Variants in PCDH15 observed in about 807,000 individuals in gnomAD.
PCDH15 encodes protocadherin related 15.
A neutral mutation model predicts 178.5 loss-of-function variants in PCDH15; 129 were observed. The observed-to-expected ratio is 0.72, with a 90% CI of 0.63 to 0.84. The LOEUF (loss-of-function observed/expected upper bound fraction) is 0.84. PCDH15 is among the 40% of genes least tolerant of loss of function. The pLI is 0.00. For missense variants in PCDH15, 2,230 were observed against 2,099.9 expected (o/e 1.06, Z -1.21); for synonymous variants, 800 against 732.0 (o/e 1.09, Z -1.50).
intron 3 of PCDH15, among the ~76,000 whole-genome samples, chr10:54,895,385 T>C (rs1488558034): frequency 6.6e-6 from 1 of 152,180 alleles, no homozygotes; most frequent in Admixed American, 6.5e-5. Context: ...TAGCAATTCT[T>C]GAGCTGAATG....
intron 2 of PCDH15, among the ~76,000 whole-genome samples, chr10:55,035,996 C>T (rs989333208): frequency 6.6e-6 from 1 of 151,800 alleles, no homozygotes; most frequent in Non-Finnish European, 1.5e-5. Flanking sequence ...TGAATGTGTC[C>T]CCCCAAAGGC....
At chr10:55,441,394 G>C (rs766981835) in intron 2 of PCDH15, among the ~76,000 whole-genome samples, 4 of 152,134 alleles carry the variant, frequency 2.6e-5, no homozygotes, top group African/African-American at 4.8e-5. Flanking sequence ...TTTAAATTGA[G>C]AGATTGTCTG....
intron 15 of PCDH15, among the ~76,000 whole-genome samples, chr10:54,091,538 G>C (rs930163458): frequency 6.6e-6 from 1 of 152,138 alleles, no homozygotes; most frequent in African/African-American, 2.4e-5. Context: ...CTACCACAAT[G>C]GATTGATGGC....
At position 55,351,302 on chromosome 10, in the gene PCDH15, A is replaced by G. The variant is rs201306869; in HGVS notation, c.-155-184651T>C. ...TTCAATGACAATTTTTCTATTTGAA[A>G]TTGGCTTCAGAGGAAGAAAAAAAAT... On this transcript the variant is annotated intron_variant, in intron 2 of 5. Coordinates refer to the PCDH15 transcript ENST00000613346. 5.9e-5 allele frequency among the ~76,000 whole-genome samples: 9 copies of G among 151,930 alleles called. No homozygotes were observed. The East Asian group carries it at 1.4e-3, about 23-fold the overall frequency.
chr10:54,607,416 G>T (rs2092790197), intron 2 of PCDH15, among the ~76,000 whole-genome samples: 1 of 151,876 alleles, frequency 6.6e-6, no homozygotes, highest in Non-Finnish European at 1.5e-5. Context: ...ATAACATGTG[G>T]CATTATTAAA....
intron 3 of PCDH15, among the ~76,000 whole-genome samples, chr10:54,422,586 T>C (rs1195334523): frequency 6.6e-6 from 1 of 152,152 alleles, no homozygotes; most frequent in African/African-American, 2.4e-5. Flanking sequence ...TTTAGCAGTG[T>C]CTCTGGCCAG....
chr10:53,840,612 TG>T, intron 28 of PCDH15, 116 bp from the exon 29 acceptor site: 1 of 979,232 alleles, frequency 1.0e-6, no homozygotes, highest in Non-Finnish European at 1.6e-6. Context: ...CCTAGTTTTT[TG>T]TTAATGTTTA....
chr10:54,227,508 C>T (rs1339429643), intron 9 of PCDH15, among the ~76,000 whole-genome samples: 3 of 152,174 alleles, frequency 2.0e-5, no homozygotes, highest in Non-Finnish European at 4.4e-5. Context: ...CCCAGGCCTC[C>T]AGGCTGGTGG....
intron 2 of PCDH15, among the ~76,000 whole-genome samples, chr10:54,652,661 C>G (rs996423138): frequency 1.6e-4 from 24 of 152,148 alleles, no homozygotes; most frequent in African/African-American, 5.6e-4. Context: ...GGAGAGACAT[C>G]ACGGGTGTGC....
intron 2 of PCDH15, among the ~76,000 whole-genome samples, chr10:54,588,612 C>T (rs1417903586): frequency 6.6e-6 from 1 of 152,124 alleles, no homozygotes; most frequent in Admixed American, 6.6e-5. Context: ...GGATCTCACT[C>T]TGTTGCCCAG....
rs1378231961 is a variant in PCDH15, at chr10:54,430,743, A to T, written c.158-51801T>A. Among the ~76,000 whole-genome samples, 3 of 152,238 alleles carry T rather than the reference A, an allele frequency of 2.0e-5. No individual in the cohort carries two copies. In the East Asian group the frequency reaches 5.8e-4, roughly 29 times the overall value. Reference sequence around the variant, plus strand: ...GCAAACCAAACGCAAAATTACTTGTAGAAGAAAATAAATAATAAAGACAAG... The same window carrying T: ...GCAAACCAAACGCAAAATTACTTGTTGAAGAAAATAAATAATAAAGACAAG... On this transcript the variant is annotated intron_variant, in intron 3 of 37. Transcript: ENST00000644397.
At chr10:54,544,150 G>A (rs1001925709) in intron 2 of PCDH15, among the ~76,000 whole-genome samples, 4 of 152,074 alleles carry the variant, frequency 2.6e-5, no homozygotes, top group African/African-American at 7.2e-5. Context: ...ACATTTCTTG[G>A]GGTGAAAGAA....
chr10:54,025,216 T>C (rs2093047155), intron 18 of PCDH15, among the ~76,000 whole-genome samples: 1 of 152,168 alleles, frequency 6.6e-6, no homozygotes, highest in Non-Finnish European at 1.5e-5. Context: ...TAGTTTTGTT[T>C]TTGCTCCCAT....
chr10:54,702,050 T>C (rs1360468954), intron 1 of PCDH15, among the ~76,000 whole-genome samples: 3 of 152,076 alleles, frequency 2.0e-5, no homozygotes, highest in African/African-American at 7.2e-5. Context: ...AACCACACAA[T>C]CACCCATAAG....
chr10:55,554,424 G>T (rs1842052209), intron 2 of PCDH15, among the ~76,000 whole-genome samples: 1 of 151,926 alleles, frequency 6.6e-6, no homozygotes, highest in Non-Finnish European at 1.5e-5. Flanking sequence ...TTTCCACTCA[G>T]TTTCCCCTGT....
intron 2 of PCDH15, among the ~76,000 whole-genome samples, chr10:55,042,660 T>C (rs1264697310): frequency 2.0e-5 from 3 of 152,096 alleles, no homozygotes; most frequent in Non-Finnish European, 4.4e-5. Flanking sequence ...AAGGGATATA[T>C]ATATTTTTTA....
chr10:53,841,926 G>T (rs958791074), intron 28 of PCDH15, among the ~76,000 whole-genome samples: 3 of 134,608 alleles, frequency 2.2e-5, no homozygotes, highest in Non-Finnish European at 3.1e-5. Flanking sequence ...GGGCGACAGA[G>T]CAAGATTTTA....
chr10:53,993,550 C>T (rs1369041888), intron 21 of PCDH15, among the ~76,000 whole-genome samples: 1 of 152,076 alleles, frequency 6.6e-6, no homozygotes, highest in Admixed American at 6.6e-5. Context: ...AATTAATAAA[C>T]ATTTATAACA....
At chr10:54,856,486 C>A (rs947978038) in intron 3 of PCDH15, among the ~76,000 whole-genome samples, 7 of 152,088 alleles carry the variant, frequency 4.6e-5, no homozygotes, top group African/African-American at 1.7e-4. Context: ...CCAAAATGAG[C>A]TTTTCATAGC....
Sources: gnomAD v4.1 joint callset for allele counts (sites outside exome capture counted in the v4.1 genomes callset) on GRCh38, gnomAD v4.1.1 for gene constraint, MANE v1.5 for transcripts, NCBI Gene and HGNC (gene_info 2026-07-23, HGNC 2026-07-21) for gene names.